PLPPR1: variants seen among roughly 807,000 people sequenced by gnomAD.
PLPPR1 encodes phospholipid phosphatase related 1, also known as phospholipid phosphatase-related protein type 1.
PLPPR1 carries 10 observed loss-of-function variants against 33.1 expected under a neutral mutation model. The ratio of observed to expected loss-of-function variants is 0.30; its 90% CI spans 0.19 to 0.51. The LOEUF is 0.51. Ranked by LOEUF, PLPPR1 falls within the 20% of genes least tolerant of loss-of-function variation. The pLI, the probability that PLPPR1 is intolerant of heterozygous loss-of-function variation, is 0.97. For missense variants in PLPPR1, 304 were observed against 408.1 expected, an observed-to-expected ratio of 0.74 and a Z score of 2.20; for synonymous variants, 151 against 151.0, an observed-to-expected ratio of 1.00 and a Z score of 0.00.
At chr9:101,153,294 T>G (rs1273230681) in intron 1 of PLPPR1, among the ~76,000 whole-genome samples, 2 of 152,186 alleles carry the variant, frequency 1.3e-5, no homozygotes, top group Non-Finnish European at 2.9e-5. Flanking sequence ...AGATTTTGGG[T>G]GGAGAGGATG....
intron 2 of PLPPR1, among the ~76,000 whole-genome samples, chr9:101,219,656 A>C (rs1254758520): frequency 6.6e-6 from 1 of 152,148 alleles, no homozygotes; most frequent in African/African-American, 2.4e-5. Flanking sequence ...GCTGCTCCTC[A>C]TAATACCTAA....
chr9:101,043,616 T>G (rs1662434832), intron 1 of PLPPR1, among the ~76,000 whole-genome samples: 1 of 152,090 alleles, frequency 6.6e-6, no homozygotes, highest in African/African-American at 2.4e-5. Flanking sequence ...TTTGTGCAAG[T>G]ATCTTTTTTG....
At chr9:101,207,913 A>G (rs1680468461) in intron 2 of PLPPR1, among the ~76,000 whole-genome samples, 1 of 152,198 alleles carries the variant, frequency 6.6e-6, no homozygotes, top group African/African-American at 2.4e-5. Flanking sequence ...ATGAAAAGCT[A>G]GAGGTCCTAT....
chr9:101,294,114 G>A (rs1270952582), intron 4 of PLPPR1, among the ~76,000 whole-genome samples: 1 of 152,062 alleles, frequency 6.6e-6, no homozygotes, highest in Admixed American at 6.5e-5. Context: ...AAATGATAAA[G>A]GGGATATCAC....
chr9:101,173,086 A>T (rs1455484969), intron 1 of PLPPR1, among the ~76,000 whole-genome samples: 2 of 152,154 alleles, frequency 1.3e-5, no homozygotes, highest in Non-Finnish European at 2.9e-5. Flanking sequence ...TAACAAACCC[A>T]TAAAGAATAA....
At chr9:101,131,900 A>T (rs916607401) in intron 1 of PLPPR1, among the ~76,000 whole-genome samples, 1 of 152,148 alleles carries the variant, frequency 6.6e-6, no homozygotes, top group African/African-American at 2.4e-5. Context: ...TGGTTTCCCT[A>T]TCTGTGAAAT....
chr9:101,296,046 C>A (rs1191632887), intron 4 of PLPPR1, among the ~76,000 whole-genome samples: 6 of 150,962 alleles, frequency 4.0e-5, no homozygotes, highest in Middle Eastern at 6.9e-3. Flanking sequence ...TTTTCACAAC[C>A]TACTCATCTG....
intron 1 of PLPPR1, among the ~76,000 whole-genome samples, chr9:101,131,982 A>G (rs1485335317): frequency 6.6e-6 from 1 of 152,230 alleles, no homozygotes; most frequent in Non-Finnish European, 1.5e-5. Flanking sequence ...GGTGGTCACA[A>G]CAGTATCTGG....
intron 4 of PLPPR1, among the ~76,000 whole-genome samples, chr9:101,293,647 A>T (rs944940067): frequency 2.0e-5 from 3 of 152,156 alleles, no homozygotes; most frequent in Admixed American, 2.0e-4. Context: ...GGATTAAGAA[A>T]CTCACTAAAA....
rs1448297043 is a variant in PLPPR1, at chr9:101,029,068, A to T, written c.-80A>T. The T allele has an allele frequency of 6.5e-5, 10 of 152,852 alleles. No homozygotes were observed. Among genetic ancestry groups the T allele is most frequent in the Non-Finnish European group, 1.5e-5 (1 of 68,338 alleles). The allele number at this position is 152,852 out of a possible 1,614,324, so 9.5% of individuals were successfully genotyped here. On this transcript the variant is annotated 5_prime_UTR_variant, in exon 1 of 8. Transcript: ENST00000374874. ...CTCGCTCCCGGGAGCCGGACGGCCC[A>T]GTAGGGCGCACTGGAGGACGCTCCG...
chr9:101,071,181 C>T (rs2118488752), intron 1 of PLPPR1, among the ~76,000 whole-genome samples: 1 of 152,102 alleles, frequency 6.6e-6, no homozygotes, highest in African/African-American at 2.4e-5. Flanking sequence ...AGATAGCATG[C>T]ATTTGAGGTC....
intron 1 of PLPPR1, among the ~76,000 whole-genome samples, chr9:101,181,724 G>T (rs572213915): frequency 1.5e-5 from 1 of 68,768 alleles, no homozygotes; most frequent in African/African-American, 6.4e-5. Context: ...TTACTATTTG[G>T]GGGTGTGTGT....
intron 1 of PLPPR1, among the ~76,000 whole-genome samples, chr9:101,070,816 G>C (rs1042083937): frequency 6.6e-6 from 1 of 152,022 alleles, no homozygotes; most frequent in East Asian, 1.9e-4. Context: ...AATTCAACGA[G>C]CGCACAGATT....
At chr9:101,262,806 A>G (rs936892939) in intron 2 of PLPPR1, among the ~76,000 whole-genome samples, 1 of 152,228 alleles carries the variant, frequency 6.6e-6, no homozygotes, top group Non-Finnish European at 1.5e-5. Context: ...CATATATACC[A>G]TGAAATACTA....
At chr9:101,189,457 A>G (rs568654543) in intron 2 of PLPPR1, among the ~76,000 whole-genome samples, 25 of 152,148 alleles carry the variant, frequency 1.6e-4, no homozygotes, top group Admixed American at 1.4e-3. Context: ...ACGCTGGTCA[A>G]CTTTTCCTGA....
intron 2 of PLPPR1, among the ~76,000 whole-genome samples, chr9:101,219,709 T>TA (rs2118786505): frequency 1.3e-5 from 2 of 152,328 alleles, no homozygotes; most frequent in Admixed American, 1.3e-4. Flanking sequence ...TCTTGCTCCA[T>TA]ACCCACCTGG....
In PLPPR1 at chr9:101,325,002, C is replaced by T. The variant is rs1005251165; in HGVS notation, c.*945C>T. The T allele has an allele frequency of 6.6e-6, 1 of 152,500 alleles. No individual in the cohort carries two copies. Among genetic ancestry groups the T allele is most frequent in the Non-Finnish European group, 1.5e-5 (1 of 68,042 alleles). The allele number at this position is 152,500 out of a possible 1,614,324, so 9.4% of individuals were successfully genotyped here. ...TAGCATGGTGAGAACTAATATGTAACTCCTTTGATTGAAGGAGCTCTTTTG... is the reference window on the plus strand; with the variant it reads ...TAGCATGGTGAGAACTAATATGTAATTCCTTTGATTGAAGGAGCTCTTTTG... On this transcript the variant is annotated 3_prime_UTR_variant, in exon 8 of 8. Coordinates refer to ENST00000374874, the MANE Select transcript of PLPPR1 (RefSeq NM_207299.2).
chr9:101,087,270 A>C (rs904130454), intron 1 of PLPPR1, among the ~76,000 whole-genome samples: 1 of 152,194 alleles, frequency 6.6e-6, no homozygotes, highest in Non-Finnish European at 1.5e-5. Context: ...AAATCTAAGA[A>C]GTGAAGTTTT....
chr9:101,121,730 A>G (rs1328900647), intron 1 of PLPPR1, among the ~76,000 whole-genome samples: 1 of 152,192 alleles, frequency 6.6e-6, no homozygotes, highest in Non-Finnish European at 1.5e-5. Context: ...TAGATTTACA[A>G]GAGTTGCAAA....
Sources: allele counts gnomAD v4.1 joint callset (sites outside exome capture counted in the v4.1 genomes callset), GRCh38; gene constraint gnomAD v4.1.1; transcripts MANE v1.5; gene names NCBI Gene and HGNC (gene_info 2026-07-23, HGNC 2026-07-21).